KSR2: variants seen among roughly 807,000 people sequenced by gnomAD.
KSR2 encodes kinase suppressor of ras 2.
A neutral mutation model predicts 107.8 loss-of-function variants in KSR2; 25 were observed. The observed-to-expected ratio is 0.23, with a 90% CI of 0.17 to 0.32. The LOEUF is 0.32. Ranked by LOEUF, KSR2 falls within the 10% of genes least tolerant of loss-of-function variation. The probability of loss-of-function intolerance (pLI) is 1.00; values close to 1 mark genes in which losing one functional copy is unlikely to be tolerated. For missense variants in KSR2, 887 were observed against 1,268.9 expected (o/e 0.70, Z 4.57); for synonymous variants, 480 against 507.0 (o/e 0.95, Z 0.71).
intron 14 of KSR2, among the ~76,000 whole-genome samples, chr12:117,518,989 G>A (rs768576197): frequency 3.3e-5 from 5 of 152,164 alleles, no homozygotes; most frequent in Non-Finnish European, 5.9e-5. Flanking sequence ...ATGATCTTAC[G>A]TGTTTGTTTA....
In KSR2 at chr12:117,846,787, T is replaced by C. The variant is rs148316838; in HGVS notation, c.472+8641A>G. On this transcript the variant is annotated intron_variant, in intron 3 of 19. Transcript: ENST00000339824. ...GAACGAAGAAGGGAATTTTAACTTTTATTTAATGAATATAAGTTTACCTGG... is the reference window on the plus strand; with the variant it reads ...GAACGAAGAAGGGAATTTTAACTTTCATTTAATGAATATAAGTTTACCTGG... Among the ~76,000 whole-genome samples the C allele has an allele frequency of 6.4e-3, 974 of 152,338 alleles. 7 individuals are homozygous for C. Among genetic ancestry groups the C allele is most frequent in the Middle Eastern group, 0.051 (15 of 294 alleles).
At chr12:117,740,994 G>C (rs945312280) in intron 4 of KSR2, among the ~76,000 whole-genome samples, 1 of 152,178 alleles carries the variant, frequency 6.6e-6, no homozygotes, top group African/African-American at 2.4e-5. Flanking sequence ...AGGAGGGAAA[G>C]ATATAGCTGC....
intron 5 of KSR2, among the ~76,000 whole-genome samples, chr12:117,628,143 C>T (rs530755588): frequency 5.3e-5 from 8 of 152,238 alleles, no homozygotes; most frequent in Admixed American, 6.5e-5. Context: ...GTGGTGGATT[C>T]GAACATCCTC....
At chr12:117,515,918 C>T (rs907635814) in intron 14 of KSR2, among the ~76,000 whole-genome samples, 2 of 152,144 alleles carry the variant, frequency 1.3e-5, no homozygotes, top group Non-Finnish European at 2.9e-5. Context: ...AGACCAAGAC[C>T]TTGTTTCAAA....
intron 6 of KSR2, among the ~76,000 whole-genome samples, chr12:117,581,007 G>GA (rs1386677879): frequency 1.3e-5 from 2 of 152,112 alleles, no homozygotes; most frequent in East Asian, 3.8e-4. Flanking sequence ...CAGTGAGGAG[G>GA]AAAATACAAA....
intron 1 of KSR2, among the ~76,000 whole-genome samples, chr12:117,953,330 C>T (rs762127676): frequency 2.6e-4 from 40 of 152,160 alleles, no homozygotes; most frequent in Admixed American, 4.6e-4. Flanking sequence ...CCCTGGTATA[C>T]ACCAAAAAGA....
rs548908187 is a variant in KSR2 at position 117,944,018 on chromosome 12, T to A, written c.180+24058A>T. On this transcript the variant is annotated intron_variant, in intron 1 of 19. Transcript: ENST00000339824. ...TGATTGTGCCTTTCACCTTCCACCA[T>A]GATAGTGAGGCTTCCCCAGCTATGT... Among the ~76,000 whole-genome samples the A allele has an allele frequency of 7.2e-5, 11 of 152,350 alleles. No homozygotes were observed. The East Asian group carries it at 1.5e-3, about 21-fold the overall frequency.
chr12:117,680,094 CT>C (rs1442049175), intron 4 of KSR2, among the ~76,000 whole-genome samples: 3 of 152,162 alleles, frequency 2.0e-5, no homozygotes, highest in Non-Finnish European at 2.9e-5. Flanking sequence ...TAAGGGTCTG[CT>C]TGGGATTTAT....
intron 1 of KSR2, among the ~76,000 whole-genome samples, chr12:117,869,653 G>A (rs1387813205): frequency 6.6e-6 from 1 of 152,132 alleles, no homozygotes; most frequent in Non-Finnish European, 1.5e-5. Context: ...TCACTTAGTA[G>A]TAAGCCCTGA....
intron 1 of KSR2, among the ~76,000 whole-genome samples, chr12:117,910,656 C>G (rs1428667310): frequency 6.6e-6 from 1 of 152,180 alleles, no homozygotes; most frequent in Non-Finnish European, 1.5e-5. Context: ...CTTGGAATAG[C>G]AGGGCCAGGC....
At chr12:117,851,277 T>C (rs1892912409) in intron 3 of KSR2, among the ~76,000 whole-genome samples, 1 of 151,982 alleles carries the variant, frequency 6.6e-6, no homozygotes, top group Admixed American at 6.5e-5. Context: ...GTTCAAACCA[T>C]AGTGAGGTGT....
At chr12:117,884,486 T>C (rs1894116019) in intron 1 of KSR2, among the ~76,000 whole-genome samples, 1 of 152,054 alleles carries the variant, frequency 6.6e-6, no homozygotes, top group Non-Finnish European at 1.5e-5. Flanking sequence ...TTTCTAAAGT[T>C]CTCTTGCTTG....
chr12:117,909,118 T>C (rs561030072), intron 1 of KSR2, among the ~76,000 whole-genome samples: 16 of 152,186 alleles, frequency 1.1e-4, no homozygotes, highest in Non-Finnish European at 1.8e-4. Context: ...CAGGGTCCCA[T>C]GCTGGAATCC....
chr12:117,556,698 G>A (rs1877718996), intron 8 of KSR2, among the ~76,000 whole-genome samples: 2 of 152,094 alleles, frequency 1.3e-5, no homozygotes, highest in African/African-American at 4.8e-5. Context: ...AGGGGAGACG[G>A]GGGTGGGCAA....
intron 3 of KSR2, among the ~76,000 whole-genome samples, chr12:117,774,543 C>G (rs1268741151): frequency 6.6e-6 from 1 of 152,148 alleles, no homozygotes; most frequent in African/African-American, 2.4e-5. Context: ...GTAATGCCTC[C>G]CACGTCCTGC....
chr12:117,502,478 G>T (rs1383282658), intron 14 of KSR2, among the ~76,000 whole-genome samples: 2 of 152,134 alleles, frequency 1.3e-5, no homozygotes, highest in Non-Finnish European at 2.9e-5. Context: ...ACTTCAGGTT[G>T]CCTAGGGGTG....
chr12:117,828,939 G>C (rs1182163325), intron 3 of KSR2, among the ~76,000 whole-genome samples: 1 of 152,204 alleles, frequency 6.6e-6, no homozygotes, highest in Non-Finnish European at 1.5e-5. Context: ...AGGATGACAT[G>C]GTTCTGAAGA....
chr12:117,664,812 T>C (rs1051149858), intron 5 of KSR2, among the ~76,000 whole-genome samples: 1 of 152,188 alleles, frequency 6.6e-6, no homozygotes, highest in Non-Finnish European at 1.5e-5. Context: ...CCTCAGTTTC[T>C]TGATCTGTAA....
intron 3 of KSR2, among the ~76,000 whole-genome samples, chr12:117,826,728 A>G (rs916517134): frequency 4.2e-5 from 6 of 143,022 alleles, no homozygotes; most frequent in Non-Finnish European, 7.7e-5. Context: ...ACACACACAC[A>G]CGCCGAGAGA....
Sources: allele counts gnomAD v4.1 joint callset (sites outside exome capture counted in the v4.1 genomes callset), GRCh38; gene constraint gnomAD v4.1.1; transcripts MANE v1.5; gene names NCBI Gene and HGNC (gene_info 2026-07-23, HGNC 2026-07-21).